The following MARK1 variants were observed in gnomAD, a reference collection of about 807,000 sequenced individuals.
MARK1 encodes the protein microtubule affinity regulating kinase 1.
MARK1 carries 40 observed loss-of-function variants against 96.3 expected under a neutral mutation model. The ratio of observed to expected loss-of-function variants is 0.42; its 90% confidence interval spans 0.32 to 0.54. The LOEUF (loss-of-function observed/expected upper bound fraction) is 0.54, where lower values mean the gene tolerates loss of function less well. MARK1 is among the 20% of genes least tolerant of loss of function. MARK1 has a pLI of 0.16. For missense variants in MARK1, 719 were observed against 984.6 expected (o/e 0.73, Z 3.61); for synonymous variants, 317 against 341.2 (o/e 0.93, Z 0.78).
chr1:220,545,250 G>GA (rs1661400793), intron 1 of MARK1, among the ~76,000 whole-genome samples: 1 of 152,172 alleles, frequency 6.6e-6, no homozygotes, highest in South Asian at 2.1e-4. Flanking sequence ...AGCATTTAGT[G>GA]AGAGGGCCTG....
At chr1:220,587,080 C>T (rs1475474143) in intron 3 of MARK1, among the ~76,000 whole-genome samples, 1 of 152,074 alleles carries the variant, frequency 6.6e-6, no homozygotes, top group Middle Eastern at 3.2e-3. Context: ...GAAATAACCA[C>T]TATTCTGAAT....
intron 1 of MARK1, among the ~76,000 whole-genome samples, chr1:220,535,495 T>C (rs1311616322): frequency 6.6e-6 from 1 of 152,196 alleles, no homozygotes; most frequent in East Asian, 1.9e-4. Context: ...TTTTCTTTGA[T>C]GTGCAGAAGC....
At chr1:220,613,276 T>G (rs192901752) in intron 6 of MARK1, among the ~76,000 whole-genome samples, 14 of 152,308 alleles carry the variant, frequency 9.2e-5, no homozygotes, top group African/African-American at 3.4e-4. Context: ...GCAAATGTGG[T>G]AATACTATAA....
chr1:220,653,112 G>C lies in MARK1; in HGVS notation c.1748G>C (p.Arg583Thr). 1 of 1,614,190 alleles carries C rather than the reference G, an allele frequency of 6.2e-7. No individual in the cohort carries two copies. Among genetic ancestry groups the C allele is most frequent in the Non-Finnish European group, 8.5e-7 (1 of 1,180,032 alleles). The stretch of plus-strand genomic sequence containing the variant: ...ATTTGTCCCAGCAGTACAACCCAGA[G>C]AGTGCCTGCTGCTTCCCCATCTGCT... ...SEAYRPGTTQ[R>T]VPAASPSAHS... The change falls in exon 16 of 18, where the codon AGA becomes ACA. Residue 583 changes from arginine to threonine, a missense_variant. This residue lies in a region of MARK1 where 501 missense variants were observed against 588.3 expected (regional missense o/e 0.85). Coordinates refer to ENST00000366917, the MANE Select transcript of MARK1 (RefSeq NM_018650.5).
At chr1:220,660,967 C>T (rs1396716709) in intron 17 of MARK1, among the ~76,000 whole-genome samples, 1 of 152,086 alleles carries the variant, frequency 6.6e-6, no homozygotes, top group Non-Finnish European at 1.5e-5. Flanking sequence ...ATAAAGCAGG[C>T]TAAGGGGGCT....
intron 3 of MARK1, among the ~76,000 whole-genome samples, chr1:220,582,685 A>G (rs1664319698): frequency 6.6e-6 from 1 of 152,372 alleles, no homozygotes; most frequent in South Asian, 2.1e-4. Flanking sequence ...TGTATAAACA[A>G]AGTTGTACTT....
At chr1:220,627,536 AT>A (rs1172655918) in intron 9 of MARK1, 8 of 350,336 alleles carry the variant, frequency 2.3e-5, no homozygotes, top group Non-Finnish European at 4.5e-5. Context: ...TTCTCTGTGT[AT>A]TTATAGGAAA....
rs1316795910 is a variant in MARK1, at chr1:220,635,537, A to G, written c.1276+8A>G. 2 of 1,599,190 alleles carry G rather than the reference A, an allele frequency of 1.3e-6. No individual in the cohort carries two copies. The highest frequency in any genetic ancestry group is 1.7e-6 in the Non-Finnish European group (2 of 1,176,062). ...GGCGTTTCAGTGATCATGGTAGGGG[A>G]AAAAGTCACATAAGTGAAGCAACAC... On this transcript the variant is annotated splice_region_variant and intron_variant, in intron 12 of 17. Coordinates refer to ENST00000366917, the MANE Select transcript of MARK1 (RefSeq NM_018650.5).
intron 1 of MARK1, among the ~76,000 whole-genome samples, chr1:220,551,802 G>A (rs1241945434): frequency 1.3e-5 from 2 of 152,198 alleles, no homozygotes; most frequent in Non-Finnish European, 2.9e-5. Context: ...AACTGGTCAT[G>A]TGGTTGTAGG....
At chr1:220,623,490 T>C (rs1667156322) in intron 9 of MARK1, among the ~76,000 whole-genome samples, 1 of 152,254 alleles carries the variant, frequency 6.6e-6, no homozygotes, top group South Asian at 2.1e-4. Context: ...TCTGAGAAGA[T>C]TACTTTTATT....
chr1:220,630,909 A>G (rs879090479), intron 9 of MARK1, 126 bp from the exon 10 acceptor site: 2 of 655,730 alleles, frequency 3.1e-6, no homozygotes, highest in South Asian at 3.9e-5. Context: ...TGGCCCACTA[A>G]TCAAACTAGA....
intron 1 of MARK1, among the ~76,000 whole-genome samples, chr1:220,560,027 G>A (rs918961289): frequency 2.0e-5 from 3 of 152,208 alleles, no homozygotes; most frequent in South Asian, 2.1e-4. Flanking sequence ...GGCTGGGGAG[G>A]CCTCACAATC....
chr1:220,585,988 C>T (rs1419617562), intron 3 of MARK1, among the ~76,000 whole-genome samples: 1 of 15,648 alleles, frequency 6.4e-5, no homozygotes, highest in Non-Finnish European at 1.8e-3. Flanking sequence ...TACGTATACA[C>T]ACACACACAC....
chr1:220,586,009 A>ATG (rs1553322888), intron 3 of MARK1, among the ~76,000 whole-genome samples: 3 of 129,632 alleles, frequency 2.3e-5, no homozygotes, highest in Non-Finnish European at 5.0e-5. Flanking sequence ...ACACACACAC[A>ATG]CACGCGCGCG....
At chr1:220,637,272 A>G (rs1031005671) in intron 13 of MARK1, among the ~76,000 whole-genome samples, 6 of 152,238 alleles carry the variant, frequency 3.9e-5, no homozygotes, top group East Asian at 1.9e-4. Context: ...ATGAAAATTC[A>G]GAATCAAAAC....
At chr1:220,567,550 A>G (rs942188360) in intron 1 of MARK1, among the ~76,000 whole-genome samples, 1 of 152,084 alleles carries the variant, frequency 6.6e-6, no homozygotes, top group Non-Finnish European at 1.5e-5. Flanking sequence ...TAGAATTGCT[A>G]CTCTGGACTT....
At chr1:220,610,214 A>C (rs1221112601) in intron 6 of MARK1, among the ~76,000 whole-genome samples, 1 of 152,142 alleles carries the variant, frequency 6.6e-6, no homozygotes, top group Admixed American at 6.6e-5. Flanking sequence ...GTGTTTTCAC[A>C]CAGTCCCGTA....
At chr1:220,613,351 C>G (rs1359109605) in intron 6 of MARK1, among the ~76,000 whole-genome samples, 1 of 152,156 alleles carries the variant, frequency 6.6e-6, no homozygotes. Flanking sequence ...ATGCTTAATG[C>G]AGAGGATTCT....
chr1:220,533,012 T>TAAA (rs1553311290), intron 1 of MARK1, among the ~76,000 whole-genome samples: 17 of 150,572 alleles, frequency 1.1e-4, no homozygotes, highest in East Asian at 3.9e-4. Context: ...CCCTTTTTTT[T>TAAA]AAAAAAAAAA....
Sources: gnomAD v4.1 joint callset for allele counts (sites outside exome capture counted in the v4.1 genomes callset) on GRCh38, gnomAD v4.1.1 for gene constraint, gnomAD v4.1.1 regional missense constraint, MANE v1.5 for transcripts, NCBI Gene and HGNC (gene_info 2026-07-23, HGNC 2026-07-21) for gene names.